The following SLC28A2 variants were observed in gnomAD, a reference collection of about 807,000 sequenced individuals.
The protein encoded by SLC28A2 is sodium/nucleoside cotransporter 2.
Under a neutral mutation model 72.9 loss-of-function variants are expected in SLC28A2, and 69 were observed. That is an observed-to-expected ratio of 0.95 (90% CI 0.78 to 1.16). The LOEUF is 1.16. Ranked by LOEUF, SLC28A2 falls within the 50% of genes most tolerant of loss-of-function variation. The probability of loss-of-function intolerance (pLI) is 0.00; values close to 1 mark genes in which losing one functional copy is unlikely to be tolerated. For missense variants in SLC28A2, 745 were observed against 791.1 expected (o/e 0.94, Z 0.70); for synonymous variants, 296 against 294.1 (o/e 1.01, Z -0.07).
Position 45,263,131 on chromosome 15 carries a change from C to T in SLC28A2, c.333C>T (p.Thr111=), listed in dbSNP as rs1375556514. Residue 111 remains threonine, a synonymous_variant, in exon 5 of 18, where the codon ACC becomes ACT. Transcript: ENST00000347644. ...FQRALALFVI[T]CLVIFVLVHS... ...GGGCACTGGCCTTGTTTGTCATCACCTGCTTGGTGATCTTTGTCCTGGTTC... is the reference window on the plus strand; with the variant it reads ...GGGCACTGGCCTTGTTTGTCATCACTTGCTTGGTGATCTTTGTCCTGGTTC... 2 of 1,613,894 alleles carry T rather than the reference C, an allele frequency of 1.2e-6. No individual in the cohort carries two copies. The highest frequency in any genetic ancestry group is 1.7e-6 in the Non-Finnish European group (2 of 1,179,918).
chr15:45,258,208 G>A (rs207475446), intron 3 of SLC28A2, among the ~76,000 whole-genome samples: 1 of 152,186 alleles, frequency 6.6e-6, no homozygotes, highest in African/African-American at 2.4e-5. Flanking sequence ...GGGCAACAGT[G>A]AGACTCCGTC....
At chr15:45,264,582 T>C in intron 6 of SLC28A2, 73 bp from the exon 7 acceptor site, 2 of 1,007,366 alleles carry the variant, frequency 2.0e-6, no homozygotes, top group Non-Finnish European at 3.2e-6. Flanking sequence ...CCACCCAGAG[T>C]ACATGTTTAA....
At chr15:45,252,662 T>C (rs1899827916) in intron 1 of SLC28A2, among the ~76,000 whole-genome samples, 1 of 152,268 alleles carries the variant, frequency 6.6e-6, no homozygotes, top group South Asian at 2.1e-4. Flanking sequence ...ATTTCACTGA[T>C]GAGTTCTCTC....
chr15:45,270,752 C>T (rs556457300), intron 15 of SLC28A2, among the ~76,000 whole-genome samples: 25 of 152,002 alleles, frequency 1.6e-4, no homozygotes, highest in African/African-American at 5.8e-4. Flanking sequence ...CTCAGCCTCC[C>T]GAGCTGGGAT....
intron 3 of SLC28A2, 28 bp from the exon 4 acceptor site, chr15:45,261,987 T>C (rs746061705): frequency 1.4e-6 from 2 of 1,439,562 alleles, no homozygotes; most frequent in South Asian, 1.1e-5. Flanking sequence ...GAGTAATTCT[T>C]GTATCTTAAC....
At chr15:45,269,686 C>T (rs1381282859) in intron 14 of SLC28A2, 151 bp downstream of exon 14, 6 of 662,966 alleles carry the variant, frequency 9.1e-6, no homozygotes, top group South Asian at 9.0e-5. Context: ...AACAGCCTAC[C>T]TAGCAGCCTC....
intron 3 of SLC28A2, among the ~76,000 whole-genome samples, chr15:45,259,823 T>C (rs1391982372): frequency 5.3e-5 from 8 of 152,190 alleles, no homozygotes; most frequent in African/African-American, 1.9e-4. Context: ...GTAAGTGCTA[T>C]ATGGTAAGTG....
At chr15:45,253,541 T>C (rs913688472) in intron 3 of SLC28A2, 21 bp downstream of exon 3, 1 of 1,569,592 alleles carries the variant, frequency 6.4e-7, no homozygotes, top group African/African-American at 1.4e-5. Flanking sequence ...TTTGGAATCT[T>C]GTTCAGTTAG....
intron 13 of SLC28A2, 97 bp from the exon 14 acceptor site, chr15:45,269,241 T>C (rs751828377): frequency 1.1e-6 from 1 of 900,802 alleles, no homozygotes; most frequent in Non-Finnish European, 1.8e-6. Context: ...AATAGAAGGG[T>C]GGAAGAGATT....
chr15:45,269,248 G>C (rs1342910622), intron 13 of SLC28A2, 90 bp from the exon 14 acceptor site: 15 of 1,011,702 alleles, frequency 1.5e-5, no homozygotes, highest in Non-Finnish European at 2.3e-5. Context: ...GGGTGGAAGA[G>C]ATTGGGCCAA....
chr15:45,272,546 A>T, intron 16 of SLC28A2, 127 bp from the exon 17 acceptor site: 1 of 818,220 alleles, frequency 1.2e-6, no homozygotes, highest in African/African-American at 1.7e-5. Flanking sequence ...TGATTTACCC[A>T]TGCATTCCAC....
Position 45,275,391 on chromosome 15 carries a change from T to C in SLC28A2, c.1860-5T>C, listed in dbSNP as rs1192616074. 2 of 1,575,666 alleles carry C rather than the reference T, an allele frequency of 1.3e-6. No individual in the cohort carries two copies. Among genetic ancestry groups the C allele is most frequent in the Admixed American group, 1.7e-5 (1 of 59,900 alleles). On this transcript the variant is annotated splice_polypyrimidine_tract_variant and splice_region_variant and intron_variant, in intron 17 of 17. Coordinates refer to ENST00000347644, the MANE Select transcript of SLC28A2 (RefSeq NM_004212.4). ...CTTATGTACCTCTCTGGTTTTTCAC[T>C]GCAGTACTTCTCTGAATGGCACCAA...
At chr15:45,262,131 G>A (rs17215654) in intron 4 of SLC28A2, 25 bp downstream of exon 4, 36 of 1,502,808 alleles carry the variant, frequency 2.4e-5, no homozygotes, top group African/African-American at 1.2e-4. Flanking sequence ...ATTCATGAAA[G>A]TGAGAAACAC....
chr15:45,265,752 G>C (rs1900313288), intron 9 of SLC28A2, 89 bp downstream of exon 9: 1 of 911,508 alleles, frequency 1.1e-6, no homozygotes. Flanking sequence ...AAGGTCTAGA[G>C]TGTTAGAAAC....
In SLC28A2 at chr15:45,265,639, C is replaced by A; in HGVS notation, c.837C>A (p.Gly279=). Residue 279 remains glycine (G), a synonymous_variant, in exon 9 of 18, where the codon GGC becomes GGA. Transcript: ENST00000347644. The stretch of plus-strand genomic sequence containing the variant: ...TGGTGTCCATTCTCTACTACCTGGG[C>A]CTTGTGCAATGGGTAGTTCAGAAGG... ...GCVVSILYYL[G]LVQWVVQKVA... is the part of the protein sequence containing the mutation. 6.2e-7 allele frequency: 1 copy of A among 1,612,868 alleles called. No individual in the cohort carries two copies. Among genetic ancestry groups the A allele is most frequent in the Non-Finnish European group, 8.5e-7 (1 of 1,178,884 alleles).
In SLC28A2 at chr15:45,277,512, T is replaced by C. The variant is rs1403047059; in HGVS notation, c.*1999T>C. 3 of 151,342 alleles carry C rather than the reference T, an allele frequency of 2.0e-5. No homozygotes were observed. Among genetic ancestry groups the C allele is most frequent in the Non-Finnish European group, 2.9e-5 (2 of 67,872 alleles). 9.4% of individuals were successfully genotyped at this position (151,342 alleles called of 1,614,324 possible). Reference sequence around the variant, plus strand: ...CATTAAAAAAAGAAGTACTGATTTATGCTATGTAGAGGCACCCCGAAAACA... The same window carrying C: ...CATTAAAAAAAGAAGTACTGATTTACGCTATGTAGAGGCACCCCGAAAACA... On this transcript the variant is annotated 3_prime_UTR_variant, in exon 18 of 18. Coordinates refer to ENST00000347644, the MANE Select transcript of SLC28A2 (RefSeq NM_004212.4).
Position 45,267,641 on chromosome 15 carries a change from GAT to G in SLC28A2, c.1069-24_1069-23del, listed in dbSNP as rs916762566. The G allele has an allele frequency of 1.1e-5, 18 of 1,613,980 alleles. No individual in the cohort carries two copies. In the African/African-American group the frequency reaches 2.0e-4, roughly 18 times the overall value. ...TCGAGTTGGGTTTGATAGAAACACTGATGCCTAAGTCTGGCGCCTCACAGGTT... is the reference window on the plus strand; with the variant it reads ...TCGAGTTGGGTTTGATAGAAACACTGGCCTAAGTCTGGCGCCTCACAGGTT... On this transcript the variant is annotated intron_variant, in intron 11 of 17. Coordinates refer to ENST00000347644, the MANE Select transcript of SLC28A2 (RefSeq NM_004212.4).
chr15:45,270,078 C>T, intron 14 of SLC28A2, 117 bp from the exon 15 acceptor site: 1 of 712,692 alleles, frequency 1.4e-6, no homozygotes, highest in South Asian at 1.7e-5. Flanking sequence ...CTTTCATGTT[C>T]CTTGGGAAAC....
At chr15:45,272,438 T>C (rs779931394) in intron 16 of SLC28A2, 45 bp downstream of exon 16, 1 of 1,422,078 alleles carries the variant, frequency 7.0e-7, no homozygotes, top group Non-Finnish European at 9.9e-7. Flanking sequence ...ATGAGGGTGA[T>C]GGTTGGAGGA....
Sources: allele counts gnomAD v4.1 joint callset (sites outside exome capture counted in the v4.1 genomes callset), GRCh38; gene constraint gnomAD v4.1.1; transcripts MANE v1.5; gene names NCBI Gene and HGNC (gene_info 2026-07-23, HGNC 2026-07-21).